The following KIF6 variants were observed in gnomAD, a reference collection of about 807,000 sequenced individuals.
KIF6 encodes the protein kinesin-like protein KIF6.
KIF6 carries 106 observed loss-of-function variants against 112.7 expected under a neutral mutation model. That is an observed-to-expected ratio of 0.94 (90% CI 0.80 to 1.11). KIF6 has a LOEUF of 1.11. KIF6 is among the 50% of genes least tolerant of loss of function. The pLI is 0.00. For missense variants in KIF6, 929 were observed against 964.0 expected, an observed-to-expected ratio of 0.96 and a Z score of 0.48; for synonymous variants, 339 against 339.9, an observed-to-expected ratio of 1.00 and a Z score of 0.03.
At chr6:39,386,705 A>G (rs1486365356) in intron 15 of KIF6, among the ~76,000 whole-genome samples, 1 of 151,976 alleles carries the variant, frequency 6.6e-6, no homozygotes, top group Non-Finnish European at 1.5e-5. Context: ...CTGGGAGGCA[A>G]TGACCTCCAG....
intron 13 of KIF6, 109 bp from the exon 14 acceptor site, chr6:39,431,270 A>C: frequency 1.5e-6 from 1 of 657,242 alleles, no homozygotes. Flanking sequence ...AGAGGCCCAC[A>C]GCAGAGAGAC....
At chr6:39,649,469 G>A (rs1423522227) in intron 3 of KIF6, among the ~76,000 whole-genome samples, 2 of 152,136 alleles carry the variant, frequency 1.3e-5, no homozygotes, top group East Asian at 3.9e-4. Context: ...GGGCATACTG[G>A]TTATTAAACT....
intron 5 of KIF6, among the ~76,000 whole-genome samples, chr6:39,623,477 T>C (rs900965392): frequency 2.6e-5 from 4 of 152,232 alleles, no homozygotes; most frequent in Admixed American, 6.5e-5. Flanking sequence ...TACTATCTTG[T>C]TCATAAAGTT....
intron 1 of KIF6, among the ~76,000 whole-genome samples, chr6:39,721,719 T>C (rs1276866953): frequency 1.3e-5 from 2 of 151,706 alleles, no homozygotes; most frequent in Non-Finnish European, 2.9e-5. Context: ...TTACCTCCCT[T>C]ACAAGATTGC....
chr6:39,724,968 C>A (rs564136802), intron 1 of KIF6, among the ~76,000 whole-genome samples: 1 of 152,306 alleles, frequency 6.6e-6, no homozygotes, highest in South Asian at 2.1e-4. Flanking sequence ...AGTCTGCCCC[C>A]GCGTGAACAC....
chr6:39,657,991 A>G (rs1315699329), intron 3 of KIF6, among the ~76,000 whole-genome samples: 2 of 152,154 alleles, frequency 1.3e-5, no homozygotes, highest in Non-Finnish European at 2.9e-5. Flanking sequence ...GCATCTGTCT[A>G]GCAGACTTGT....
intron 13 of KIF6, among the ~76,000 whole-genome samples, chr6:39,520,944 T>A (rs1164981206): frequency 6.6e-6 from 1 of 152,242 alleles, no homozygotes; most frequent in African/African-American, 2.4e-5. Flanking sequence ...AATTGATAGA[T>A]GTTTTATAAA....
At chr6:39,602,359 T>C (rs1782627144) in intron 6 of KIF6, among the ~76,000 whole-genome samples, 1 of 152,178 alleles carries the variant, frequency 6.6e-6, no homozygotes, top group South Asian at 2.1e-4. Flanking sequence ...CTCTTTCTTA[T>C]CTCCAGTGTA....
intron 5 of KIF6, chr6:39,617,701 C>T (rs1429276016): frequency 2.2e-6 from 1 of 454,322 alleles, no homozygotes; most frequent in Non-Finnish European, 4.4e-6. Flanking sequence ...GGCAGAGGTG[C>T]CTTTTAATAA....
intron 13 of KIF6, among the ~76,000 whole-genome samples, chr6:39,516,476 AAT>A (rs1205358708): frequency 6.8e-6 from 1 of 148,066 alleles, no homozygotes; most frequent in Non-Finnish European, 1.5e-5. Flanking sequence ...ATACAAATAA[AAT>A]ATAGTTATAC....
At chr6:39,418,551 A>C (rs1054245799) in intron 15 of KIF6, among the ~76,000 whole-genome samples, 3 of 152,222 alleles carry the variant, frequency 2.0e-5, no homozygotes, top group Non-Finnish European at 4.4e-5. Flanking sequence ...GTGATATGAC[A>C]TGCAGGCCTC....
intron 12 of KIF6, 67 bp downstream of exon 12, chr6:39,544,488 A>G (rs932440824): frequency 6.6e-7 from 1 of 1,515,882 alleles, no homozygotes; most frequent in Non-Finnish European, 8.8e-7. Context: ...GTGGCTCAGG[A>G]AAGACTGCTG....
Position 39,335,763 on chromosome 6 carries a change from C to G in KIF6, c.*769G>C, listed in dbSNP as rs1382156258. ...TCCCTGTGGAAGTGGGGAGTGTCAG[C>G]CCAAATCCTCCCAAGTGGCTGGGTG... On this transcript the variant is annotated 3_prime_UTR_variant, in exon 23 of 23. Transcript: ENST00000287152. 6.6e-6 allele frequency: 1 copy of G among 152,452 alleles called. No homozygotes were observed. Among genetic ancestry groups the G allele is most frequent in the Non-Finnish European group, 1.5e-5 (1 of 68,266 alleles). 9.4% of individuals were successfully genotyped at this position (152,452 alleles called of 1,614,324 possible). A position where few individuals can be genotyped will look rare whatever the true frequency, so the allele number is the denominator to read the frequency against.
At chr6:39,473,584 A>G (rs1056864056) in intron 13 of KIF6, among the ~76,000 whole-genome samples, 1 of 152,224 alleles carries the variant, frequency 6.6e-6, no homozygotes, top group African/African-American at 2.4e-5. Context: ...AGCAGTATGC[A>G]GTAGATTTTT....
intron 13 of KIF6, among the ~76,000 whole-genome samples, chr6:39,451,297 C>T (rs1030284434): frequency 1.3e-5 from 2 of 151,864 alleles, no homozygotes; most frequent in African/African-American, 4.8e-5. Flanking sequence ...AAAGAGATGA[C>T]GAAAAGTAAG....
chr6:39,435,809 C>T (rs754360871), intron 13 of KIF6, among the ~76,000 whole-genome samples: 2 of 152,062 alleles, frequency 1.3e-5, no homozygotes, highest in South Asian at 2.1e-4. Context: ...TTGTAAATTG[C>T]GCTGTGATAA....
At chr6:39,586,454 T>G (rs1223455817) in intron 7 of KIF6, 50 bp from the exon 8 acceptor site, 2 of 1,493,624 alleles carry the variant, frequency 1.3e-6, no homozygotes, top group African/African-American at 1.4e-5. Context: ...GAAAATGCAC[T>G]CCTGACAAAC....
chr6:39,395,536 C>G (rs1360576327), intron 15 of KIF6, among the ~76,000 whole-genome samples: 1 of 152,192 alleles, frequency 6.6e-6, no homozygotes, highest in Non-Finnish European at 1.5e-5. Context: ...AAGGCCTGCC[C>G]TGGAGGAGTA....
chr6:39,508,287 C>T (rs922152147), intron 13 of KIF6, among the ~76,000 whole-genome samples: 1 of 151,992 alleles, frequency 6.6e-6, no homozygotes, highest in Non-Finnish European at 1.5e-5. Context: ...CAGCTCCCAG[C>T]GAGACTGACA....
Sources: gnomAD v4.1 joint callset for allele counts (sites outside exome capture counted in the v4.1 genomes callset) on GRCh38, gnomAD v4.1.1 for gene constraint, MANE v1.5 for transcripts, NCBI Gene and HGNC (gene_info 2026-07-23, HGNC 2026-07-21) for gene names.